Variants in GABRB3 observed in about 807,000 individuals in gnomAD.
GABRB3 encodes gamma-aminobutyric acid type A receptor subunit beta3, also known as gamma-aminobutyric acid receptor subunit beta-3.
GABRB3 carries 14 observed loss-of-function variants against 52.1 expected under a neutral mutation model. The observed-to-expected ratio is 0.27, with a 90% CI of 0.18 to 0.42. The LOEUF is 0.42. GABRB3 is among the 10% of genes least tolerant of loss of function. The pLI, the probability that GABRB3 is intolerant of heterozygous loss-of-function variation, is 1.00. For missense variants in GABRB3, 307 were observed against 609.1 expected (o/e 0.50, Z 5.22); for synonymous variants, 260 against 232.3 (o/e 1.12, Z -1.08).
chr15:26,705,562 A>G (rs2140123435), intron 3 of GABRB3, among the ~76,000 whole-genome samples: 1 of 152,356 alleles, frequency 6.6e-6, no homozygotes, highest in East Asian at 1.9e-4. Context: ...ATACAACTCA[A>G]ACATGGATAA....
chr15:26,567,837 G>C, intron 6 of GABRB3, 104 bp from the exon 7 acceptor site: 2 of 1,108,820 alleles, frequency 1.8e-6, no homozygotes, highest in South Asian at 2.6e-5. Flanking sequence ...AAAAGTCTGC[G>C]AATAAAGGGG....
intron 3 of GABRB3, among the ~76,000 whole-genome samples, chr15:26,734,991 A>G (rs1890029347): frequency 6.6e-6 from 1 of 152,214 alleles, no homozygotes; most frequent in South Asian, 2.1e-4. Context: ...TGCAAGTCAT[A>G]TATCTGATAA....
chr15:26,674,478 AAGAG>A (rs935182854), intron 3 of GABRB3, among the ~76,000 whole-genome samples: 5 of 134,548 alleles, frequency 3.7e-5, no homozygotes, highest in African/African-American at 1.3e-4. Context: ...GAAAGAAAGA[AAGAG>A]AGAGAGAGAA....
chr15:26,629,278 G>T (rs893158211), intron 3 of GABRB3: 8 of 1,019,608 alleles, frequency 7.8e-6, no homozygotes, highest in Admixed American at 3.1e-5. Flanking sequence ...CGTGGTCTGT[G>T]GCTCGAGGGG....
chr15:26,598,433 A>T (rs1444080786), intron 4 of GABRB3, among the ~76,000 whole-genome samples: 14 of 152,160 alleles, frequency 9.2e-5, no homozygotes, highest in Non-Finnish European at 2.1e-4. Flanking sequence ...CCCCACAGAG[A>T]AAGATCAAAT....
At chr15:26,580,526 C>T in intron 5 of GABRB3, 70 bp from the exon 6 acceptor site, 1 of 1,593,838 alleles carries the variant, frequency 6.3e-7, no homozygotes, top group South Asian at 1.1e-5. Flanking sequence ...AATAAACTAT[C>T]ATTAACATGG....
chr15:26,607,824 TA>T (rs911457358), intron 4 of GABRB3, among the ~76,000 whole-genome samples: 1 of 151,586 alleles, frequency 6.6e-6, no homozygotes, highest in East Asian at 1.9e-4. Flanking sequence ...CAAAAATAAA[TA>T]AAAAAAGATA....
Position 26,546,688 on chromosome 15 carries a change from C to A in GABRB3, c.*1105G>T, listed in dbSNP as rs1445842938. The A allele has an allele frequency of 6.6e-6, 1 of 152,418 alleles. No homozygotes were observed. Among genetic ancestry groups the A allele is most frequent in the Non-Finnish European group, 1.5e-5 (1 of 68,000 alleles). 9.4% of individuals were successfully genotyped at this position (152,418 alleles called of 1,614,324 possible). ...ATTTCTAGATAACAGAAAGTAGTTA[C>A]ATCACATAAAGGAAAATATGACATC... On this transcript the variant is annotated 3_prime_UTR_variant, in exon 9 of 9. Coordinates refer to ENST00000311550, the MANE Select transcript of GABRB3 (RefSeq NM_000814.6).
At chr15:26,675,892 C>T (rs61331259) in intron 3 of GABRB3, among the ~76,000 whole-genome samples, 1,684 of 152,170 alleles carry the variant, frequency 0.011, 26 homozygotes, top group African/African-American at 0.038. Context: ...GGGTTCTGGT[C>T]GAAATGATTT....
intron 4 of GABRB3, chr15:26,614,200 C>T (rs1354846330): frequency 6.6e-6 from 1 of 152,122 alleles, no homozygotes; most frequent in Admixed American, 6.6e-5. Flanking sequence ...CTCAGGTGGG[C>T]TCTTTGTAAC....
chr15:26,640,239 C>T (rs536286889), intron 3 of GABRB3, among the ~76,000 whole-genome samples: 2 of 152,168 alleles, frequency 1.3e-5, no homozygotes, highest in South Asian at 4.1e-4. Flanking sequence ...AAACGTTGGC[C>T]GGGCGCGGTG....
chr15:26,712,980 C>G (rs775706552), intron 3 of GABRB3, among the ~76,000 whole-genome samples: 1 of 152,188 alleles, frequency 6.6e-6, no homozygotes, highest in East Asian at 1.9e-4. Context: ...CGAAGGCAGA[C>G]GGAGGGGCGA....
At chr15:26,630,826 G>C (rs753112414) in intron 3 of GABRB3, among the ~76,000 whole-genome samples, 7 of 152,198 alleles carry the variant, frequency 4.6e-5, no homozygotes, top group Non-Finnish European at 8.8e-5. Context: ...CATGGGATGC[G>C]TGTTTTACAA....
rs181897098 is a variant in GABRB3 at position 26,635,165 on chromosome 15, G to C, written c.241-13631C>G. ...ACTCCAGTGATATCATTCTTCCAAA[G>C]ATGCTCTGAGAACTGGCTGTGAAAA... On this transcript the variant is annotated intron_variant, in intron 3 of 8. Coordinates refer to ENST00000311550, the MANE Select transcript of GABRB3 (RefSeq NM_000814.6). 1.9e-4 allele frequency among the ~76,000 whole-genome samples: 29 copies of C among 151,586 alleles called. No individual in the cohort carries two copies. In the East Asian group the frequency reaches 5.7e-3, roughly 30 times the overall value.
Position 26,609,114 on chromosome 15 carries a change from A to C in GABRB3, c.461+12200T>G, listed in dbSNP as rs1000326116. On this transcript the variant is annotated intron_variant, in intron 4 of 8. Transcript: ENST00000311550. ...CACACACACACACATACACACACAC[A>C]CACACACACACACACACACACAATG... Among the ~76,000 whole-genome samples the C allele has an allele frequency of 1.6e-4, 11 of 69,524 alleles. No homozygotes were observed. In the East Asian group the frequency reaches 2.7e-3, roughly 17 times the overall value. The allele number at this position is 69,524 out of a possible 152,430, so 45.6% of individuals were successfully genotyped here. A position where few individuals can be genotyped will look rare whatever the true frequency, so the allele number is the denominator to read the frequency against.
At chr15:26,742,340 G>T (rs1890229617) in intron 3 of GABRB3, among the ~76,000 whole-genome samples, 2 of 144,888 alleles carry the variant, frequency 1.4e-5, no homozygotes. Context: ...CCAATTTTTA[G>T]TTTAAACTCT....
intron 3 of GABRB3, among the ~76,000 whole-genome samples, chr15:26,718,578 C>G (rs1889562251): frequency 6.6e-6 from 1 of 152,184 alleles, no homozygotes; most frequent in Non-Finnish European, 1.5e-5. Flanking sequence ...TGCATACAAT[C>G]TCAAGATTAA....
At chr15:26,610,030 C>T (rs1411812619) in intron 4 of GABRB3, among the ~76,000 whole-genome samples, 1 of 152,152 alleles carries the variant, frequency 6.6e-6, no homozygotes, top group African/African-American at 2.4e-5. Context: ...GGAACTGAAA[C>T]ATACTGGCTC....
chr15:26,610,064 C>T (rs1179448270), intron 4 of GABRB3, among the ~76,000 whole-genome samples: 2 of 152,156 alleles, frequency 1.3e-5, no homozygotes, highest in Non-Finnish European at 2.9e-5. Context: ...AATGAGAGGC[C>T]AGACCCTTCA....
Sources: gnomAD v4.1 joint callset for allele counts (sites outside exome capture counted in the v4.1 genomes callset) on GRCh38, gnomAD v4.1.1 for gene constraint, MANE v1.5 for transcripts, NCBI Gene and HGNC (gene_info 2026-07-23, HGNC 2026-07-21) for gene names.